The following RAB40C variants were observed in gnomAD, a reference collection of about 807,000 sequenced individuals.
RAB40C encodes RAB40C, member RAS oncogene family.
In RAB40C, 8 loss-of-function variants were observed where a neutral mutation model predicts 28.1. The observed-to-expected ratio is 0.28, with a 90% CI of 0.17 to 0.51. RAB40C has a LOEUF of 0.51. RAB40C is among the 20% of genes least tolerant of loss of function. The probability of loss-of-function intolerance (pLI) is 0.97; values close to 1 mark genes in which losing one functional copy is unlikely to be tolerated. For missense variants in RAB40C, 288 were observed against 405.9 expected, an observed-to-expected ratio of 0.71 and a Z score of 2.50; for synonymous variants, 201 against 171.7, an observed-to-expected ratio of 1.17 and a Z score of -1.34.
intron 1 of RAB40C, among the ~76,000 whole-genome samples, chr16:608,017 C>G (rs1007647530): frequency 1.3e-5 from 2 of 152,150 alleles, no homozygotes; most frequent in Non-Finnish European, 2.9e-5. Context: ...CCTCCCTCCA[C>G]ACGTTCCTGG....
chr16:609,342 G>A (rs2036433867), intron 1 of RAB40C, among the ~76,000 whole-genome samples: 1 of 151,716 alleles, frequency 6.6e-6, no homozygotes, highest in African/African-American at 2.4e-5. Flanking sequence ...GGATGGTGGG[G>A]GACAGGGTGG....
chr16:618,772 A>C (rs1185716532), intron 3 of RAB40C, among the ~76,000 whole-genome samples: 1 of 134,242 alleles, frequency 7.4e-6, no homozygotes, highest in Non-Finnish European at 1.6e-5. Context: ...CCATGTGTGC[A>C]GTGTGTGCAG....
chr16:595,952 C>T (rs915884274), intron 1 of RAB40C, among the ~76,000 whole-genome samples: 1 of 152,214 alleles, frequency 6.6e-6, no homozygotes, highest in African/African-American at 2.4e-5. Context: ...CTTAAATTTT[C>T]AGGAAACTGT....
chr16:590,166 G>A lies in RAB40C; in HGVS notation c.-126G>A. ...GCGGGGCCGGCGCTGGGCTTCGGGC[G>A]CGCCCACTCGGCCGCCGTGGGGCGG... On this transcript the variant is annotated 5_prime_UTR_variant, in exon 1 of 6. Coordinates refer to ENST00000248139, the MANE Select transcript of RAB40C (RefSeq NM_021168.5). 5.2e-6 allele frequency: 3 copies of A among 578,830 alleles called. No homozygotes were observed. Among genetic ancestry groups the A allele is most frequent in the Non-Finnish European group, 6.5e-6 (3 of 459,222 alleles). The allele number at this position is 578,830 out of a possible 1,614,324, so 35.9% of individuals were successfully genotyped here. A position where few individuals can be genotyped will look rare whatever the true frequency, so the allele number is the denominator to read the frequency against.
At chr16:600,028 G>A (rs56867820) in intron 1 of RAB40C, among the ~76,000 whole-genome samples, 1 of 151,212 alleles carries the variant, frequency 6.6e-6, no homozygotes, top group African/African-American at 2.4e-5. Context: ...GGATTCGCAA[G>A]GTTTTGTTCC....
intron 1 of RAB40C, among the ~76,000 whole-genome samples, chr16:599,559 A>C (rs1247103975): frequency 6.7e-6 from 1 of 150,084 alleles, no homozygotes; most frequent in African/African-American, 2.5e-5. Flanking sequence ...CGCTACTGTC[A>C]GCGTGGATTC....
intron 3 of RAB40C, chr16:624,157 C>T (rs1029442527): frequency 8.1e-5 from 80 of 985,326 alleles, no homozygotes; most frequent in African/African-American, 1.2e-4. Context: ...TGACACACAT[C>T]CTCAGTTACT....
rs551170707 is a variant in RAB40C, at chr16:610,275, G to A, written c.143-6933G>A. 4.6e-5 allele frequency among the ~76,000 whole-genome samples: 7 copies of A among 152,262 alleles called. No homozygotes were observed. The South Asian group carries it at 6.2e-4, about 14-fold the overall frequency. On this transcript the variant is annotated intron_variant, in intron 1 of 5. Transcript: ENST00000248139. The surrounding 1 kb of genome is among the most constrained non-coding windows in gnomAD (Gnocchi z 4.6). ...GAGCGGCTCTGACCAGGACAGTGCC[G>A]TGTGTCTCATGGGGTTGTGTTCAGG...
rs144435553 is a variant in RAB40C, at chr16:600,562, C to G, written c.142+10129C>G. On this transcript the variant is annotated intron_variant, in intron 1 of 5. Coordinates refer to ENST00000248139, the MANE Select transcript of RAB40C (RefSeq NM_021168.5). ...GGTCAAGAGATCAAGACCGTTCTGA[C>G]CAACATGGTGAAACCCCGTCTCTAC... Among the ~76,000 whole-genome samples the G allele has an allele frequency of 5.9e-4, 90 of 152,260 alleles. 1 individual carries two copies. The East Asian group carries it at 0.013, about 22-fold the overall frequency.
At chr16:611,590 G>A (rs1211744347) in intron 1 of RAB40C, among the ~76,000 whole-genome samples, 3 of 150,822 alleles carry the variant, frequency 2.0e-5, no homozygotes, top group Non-Finnish European at 4.4e-5. Context: ...ACTTGTGAGT[G>A]TGCACGGGAC....
intron 3 of RAB40C, among the ~76,000 whole-genome samples, chr16:621,483 G>A (rs1596415240): frequency 6.6e-6 from 1 of 152,358 alleles, no homozygotes; most frequent in East Asian, 1.9e-4. Context: ...AAAGGCCACC[G>A]GCCACTCCCC....
chr16:601,992 G>T (rs1006429363), intron 1 of RAB40C, among the ~76,000 whole-genome samples: 4 of 151,998 alleles, frequency 2.6e-5, no homozygotes, highest in African/African-American at 9.7e-5. Flanking sequence ...GGGGTGTGGT[G>T]TCGGGCACCT....
chr16:605,936 C>T (rs1161538750), intron 1 of RAB40C, among the ~76,000 whole-genome samples: 1 of 152,224 alleles, frequency 6.6e-6, no homozygotes, highest in Admixed American at 6.5e-5. Flanking sequence ...TCCTTTTAGC[C>T]ATGCTGATGG....
rs781419176 is a variant in RAB40C, at chr16:625,403, C to T, written c.265-29C>T. On this transcript the variant is annotated intron_variant, in intron 3 of 5. Coordinates refer to ENST00000248139, the MANE Select transcript of RAB40C (RefSeq NM_021168.5). ...TGGGCTGGCCATGCGTGTCAGTGACCCCTGATGACCCCCAAGTCTCTGTTG... is the reference window on the plus strand; with the variant it reads ...TGGGCTGGCCATGCGTGTCAGTGACTCCTGATGACCCCCAAGTCTCTGTTG... 2.5e-6 allele frequency: 4 copies of T among 1,609,518 alleles called. No individual in the cohort carries two copies. The South Asian group carries it at 4.4e-5, about 18-fold the overall frequency.
At chr16:593,231 A>G (rs1374076996) in intron 1 of RAB40C, among the ~76,000 whole-genome samples, 1 of 152,206 alleles carries the variant, frequency 6.6e-6, no homozygotes, top group Non-Finnish European at 1.5e-5. Context: ...ATCAGGGTGA[A>G]GTTGGTGGAT....
intron 2 of RAB40C, 73 bp downstream of exon 2, chr16:617,341 G>A (rs959366807): frequency 6.4e-7 from 1 of 1,559,038 alleles, no homozygotes; most frequent in Admixed American, 1.7e-5. Context: ...AACCCTTAGA[G>A]AAACAGGAAG....
chr16:594,958 TACAG>T (rs1489572334), intron 1 of RAB40C, among the ~76,000 whole-genome samples: 1 of 152,060 alleles, frequency 6.6e-6, no homozygotes, highest in Non-Finnish European at 1.5e-5. Context: ...TAGCTGGGAT[TACAG>T]ACGCCTGCCA....
At chr16:616,528 CG>C (rs2036589461) in intron 1 of RAB40C, 1 of 151,646 alleles carries the variant, frequency 6.6e-6, no homozygotes, top group African/African-American at 2.4e-5. Context: ...TTAGTAGAGA[CG>C]GGGTTTCACT....
intron 1 of RAB40C, among the ~76,000 whole-genome samples, chr16:592,852 C>G (rs1457561979): frequency 6.6e-6 from 1 of 152,266 alleles, no homozygotes; most frequent in African/African-American, 2.4e-5. Context: ...ACCCTCCTTC[C>G]TCCCTGTCCC....
Sources: allele counts gnomAD v4.1 joint callset (sites outside exome capture counted in the v4.1 genomes callset), GRCh38; gene constraint gnomAD v4.1.1; non-coding constraint Gnocchi (gnomAD v3.1); transcripts MANE v1.5; gene names NCBI Gene and HGNC (gene_info 2026-07-23, HGNC 2026-07-21).